The following RGS7 variants were observed in gnomAD, a reference collection of about 807,000 sequenced individuals.
The protein encoded by RGS7 is regulator of G protein signaling 7.
Under a neutral mutation model 81.1 loss-of-function variants are expected in RGS7, and 27 were observed. The ratio of observed to expected loss-of-function variants is 0.33; its 90% CI spans 0.25 to 0.46. The LOEUF (loss-of-function observed/expected upper bound fraction) is 0.46, where lower values mean the gene tolerates loss of function less well. Among genes scored for constraint, RGS7 ranks in the 20% least tolerant of loss-of-function variants. The pLI is 1.00. For missense variants in RGS7, 396 were observed against 607.4 expected, an observed-to-expected ratio of 0.65 and a Z score of 3.66; for synonymous variants, 208 against 207.7, an observed-to-expected ratio of 1.00 and a Z score of -0.01.
At chr1:241,065,867 A>G (rs770707020) in intron 3 of RGS7, among the ~76,000 whole-genome samples, 66 of 152,194 alleles carry the variant, frequency 4.3e-4, no homozygotes, top group Non-Finnish European at 8.8e-4. Flanking sequence ...TTAGGCTAAT[A>G]ATAGTATCTC....
chr1:241,165,688 A>C (rs1284162119), intron 2 of RGS7, among the ~76,000 whole-genome samples: 3 of 151,462 alleles, frequency 2.0e-5, no homozygotes, highest in South Asian at 2.1e-4. Flanking sequence ...CTAGATGACG[A>C]GTTAGTGGGT....
chr1:241,013,014 C>CTT (rs1211275507), intron 3 of RGS7, among the ~76,000 whole-genome samples: 5 of 149,786 alleles, frequency 3.3e-5, no homozygotes, highest in Admixed American at 1.3e-4. Context: ...TCTTCTGTAA[C>CTT]TTCAGGCTGG....
intron 2 of RGS7, among the ~76,000 whole-genome samples, chr1:241,149,058 T>A (rs555164797): frequency 1.3e-5 from 2 of 152,322 alleles, no homozygotes; most frequent in African/African-American, 4.8e-5. Context: ...TGGTTCCAAT[T>A]CAACAGAAAG....
chr1:241,303,882 G>A lies in RGS7; in HGVS notation c.78+51817C>T, dbSNP rs1001733695. ...CTTGCTAAGATGCAGGATTTATTTT[G>A]GGGGGCAAGACTTCTTCATAGGTGC... On this transcript the variant is annotated intron_variant, in intron 2 of 18. Transcript: ENST00000440928. Among the ~76,000 whole-genome samples the A allele has an allele frequency of 3.3e-5, 5 of 151,720 alleles. 2 individuals carry two copies. Among genetic ancestry groups the A allele is most frequent in the African/African-American group, 1.2e-4 (5 of 41,520 alleles).
chr1:241,085,687 G>A (rs1161683415), intron 3 of RGS7, among the ~76,000 whole-genome samples: 1 of 152,112 alleles, frequency 6.6e-6, no homozygotes, highest in East Asian at 1.9e-4. Context: ...GCCCACCTCG[G>A]CCTCCCAAAG....
chr1:241,075,920 T>C (rs925738500), intron 3 of RGS7, among the ~76,000 whole-genome samples: 2 of 152,226 alleles, frequency 1.3e-5, no homozygotes, highest in Non-Finnish European at 2.9e-5. Flanking sequence ...CTTTCCAAAC[T>C]TTTTAAACTG....
chr1:241,293,139 T>C (rs191435584), intron 2 of RGS7, among the ~76,000 whole-genome samples: 4 of 152,196 alleles, frequency 2.6e-5, no homozygotes, highest in Non-Finnish European at 4.4e-5. Context: ...GAGATTATAA[T>C]GGAGCTGAAA....
intron 2 of RGS7, 143 bp downstream of exon 2, chr1:241,355,556 C>T: frequency 2.6e-6 from 2 of 773,398 alleles, no homozygotes; most frequent in South Asian, 2.8e-5. Context: ...TGTCAGATCA[C>T]TTTCACGTAT....
At chr1:241,255,351 C>T (rs1349035330) in intron 2 of RGS7, among the ~76,000 whole-genome samples, 1 of 152,154 alleles carries the variant, frequency 6.6e-6, no homozygotes, top group African/African-American at 2.4e-5. Flanking sequence ...CACCTAAAAT[C>T]CTTCCAACTC....
At chr1:241,206,230 C>CT (rs35296035) in intron 2 of RGS7, among the ~76,000 whole-genome samples, 44,221 of 135,906 alleles carry the variant, frequency 0.33, 7,603 homozygotes, top group Admixed American at 0.4. Flanking sequence ...AAAGAATGAA[C>CT]TTTTTTTTTT....
intron 2 of RGS7, among the ~76,000 whole-genome samples, chr1:241,134,953 C>A (rs1174569722): frequency 6.6e-6 from 1 of 150,378 alleles, no homozygotes; most frequent in Non-Finnish European, 1.5e-5. Flanking sequence ...AGACACCTAC[C>A]CTGGCCGGAA....
intron 3 of RGS7, among the ~76,000 whole-genome samples, chr1:241,030,118 T>A (rs1408430126): frequency 6.6e-6 from 1 of 152,128 alleles, no homozygotes; most frequent in Non-Finnish European, 1.5e-5. Flanking sequence ...TCACTGATGC[T>A]TGGCAATTTA....
At chr1:240,887,330 G>A (rs1401914512) in intron 6 of RGS7, among the ~76,000 whole-genome samples, 1 of 147,304 alleles carries the variant, frequency 6.8e-6, no homozygotes, top group Non-Finnish European at 1.5e-5. Flanking sequence ...CTGGGTTCAC[G>A]CCATTCTCCT....
At chr1:241,146,720 G>A (rs149735877) in intron 2 of RGS7, among the ~76,000 whole-genome samples, 137 of 152,174 alleles carry the variant, frequency 9.0e-4, no homozygotes, top group African/African-American at 3.0e-3. Flanking sequence ...TTCATTCAGC[G>A]GCTATAACAA....
At chr1:241,131,407 T>G (rs2067089154) in intron 2 of RGS7, among the ~76,000 whole-genome samples, 1 of 152,156 alleles carries the variant, frequency 6.6e-6, no homozygotes, top group Admixed American at 6.5e-5. Flanking sequence ...TGGACCCAAC[T>G]TCCAGAGTTG....
intron 3 of RGS7, among the ~76,000 whole-genome samples, chr1:241,031,479 T>C (rs1329451346): frequency 6.6e-6 from 1 of 152,214 alleles, no homozygotes; most frequent in Non-Finnish European, 1.5e-5. Context: ...TTCTTTTCCT[T>C]TGGGTAGATG....
At chr1:240,972,146 C>T (rs1218210495) in intron 4 of RGS7, among the ~76,000 whole-genome samples, 1 of 152,076 alleles carries the variant, frequency 6.6e-6, no homozygotes, top group East Asian at 1.9e-4. Flanking sequence ...ATGTAATGTA[C>T]CTTTGGGTCA....
At chr1:241,089,230 T>C (rs2063715535) in intron 3 of RGS7, among the ~76,000 whole-genome samples, 1 of 150,280 alleles carries the variant, frequency 6.7e-6, no homozygotes, top group Non-Finnish European at 1.5e-5. Context: ...GTGACCTCTA[T>C]AGCTAGAATC....
At chr1:241,130,501 A>C (rs980381020) in intron 2 of RGS7, among the ~76,000 whole-genome samples, 6 of 152,140 alleles carry the variant, frequency 3.9e-5, no homozygotes, top group Non-Finnish European at 8.8e-5. Flanking sequence ...GAGGAAGTAA[A>C]TACTGCTACA....
Sources: allele counts gnomAD v4.1 joint callset (sites outside exome capture counted in the v4.1 genomes callset), GRCh38; gene constraint gnomAD v4.1.1; transcripts MANE v1.5; gene names NCBI Gene and HGNC (gene_info 2026-07-23, HGNC 2026-07-21).